The following ROBO1 variants were observed in gnomAD, a reference collection of about 807,000 sequenced individuals.
ROBO1 encodes roundabout homolog 1.
In ROBO1, 149 loss-of-function variants were observed where a neutral mutation model predicts 195.9. That is an observed-to-expected ratio of 0.76 (90% CI 0.67 to 0.87). ROBO1 has a LOEUF of 0.87. Among genes scored for constraint, ROBO1 ranks in the 40% least tolerant of loss-of-function variants. The probability of loss-of-function intolerance (pLI) is 0.00; values close to 1 mark genes in which losing one functional copy is unlikely to be tolerated. For synonymous variants in ROBO1, 816 were observed against 733.2 expected (o/e 1.11, Z -1.82); for missense variants, 1,933 against 2,068.3 (o/e 0.93, Z 1.27).
At chr3:79,225,896 G>T (rs1187354279) in intron 2 of ROBO1, among the ~76,000 whole-genome samples, 1 of 151,956 alleles carries the variant, frequency 6.6e-6, no homozygotes, top group Non-Finnish European at 1.5e-5. Flanking sequence ...TGGTCTTTCA[G>T]GTACCTTGTT....
At chr3:79,019,476 C>G (rs1474654662) in intron 3 of ROBO1, 2 of 986,256 alleles carry the variant, frequency 2.0e-6, no homozygotes, top group Admixed American at 6.1e-5. Flanking sequence ...GGGTTTCCCC[C>G]ACAGTCCCCG....
At chr3:78,797,938 A>T (rs1226942630) in intron 4 of ROBO1, among the ~76,000 whole-genome samples, 4 of 152,176 alleles carry the variant, frequency 2.6e-5, no homozygotes, top group Non-Finnish European at 5.9e-5. Context: ...GGGAACAGCA[A>T]TGTAATATGC....
chr3:79,309,625 AT>A lies in ROBO1; in HGVS notation c.89-184087del, dbSNP rs2033388513. On this transcript the variant is annotated intron_variant, in intron 2 of 30. Coordinates refer to ENST00000464233, the MANE Select transcript of ROBO1 (RefSeq NM_002941.4). ...GGTCTCAATAAAAATAAATAAATAA[AT>A]AAATAAAAATAAATTAAGCACCATG... Among the ~76,000 whole-genome samples, 12 of 152,150 alleles carry A rather than the reference AT, an allele frequency of 7.9e-5. No individual in the cohort carries two copies. The South Asian group carries it at 2.5e-3, about 32-fold the overall frequency.
chr3:79,120,966 C>T (rs541281622), intron 3 of ROBO1, among the ~76,000 whole-genome samples: 1 of 152,146 alleles, frequency 6.6e-6, no homozygotes, highest in African/African-American at 2.4e-5. Flanking sequence ...TGTTCAATTT[C>T]TAACTACATG....
intron 2 of ROBO1, among the ~76,000 whole-genome samples, chr3:79,136,726 T>C (rs1288424797): frequency 1.3e-5 from 2 of 152,138 alleles, no homozygotes; most frequent in Non-Finnish European, 2.9e-5. Context: ...AAACTTCTGC[T>C]TTAATCATGT....
chr3:78,609,804 G>A lies in ROBO1; in HGVS notation c.4436-2763C>T, dbSNP rs74787599. ...TTCTTAGTATAACAGCAAATTCATG[G>A]CCCTAAGAAGCATCAGTTTTAACCT... On this transcript the variant is annotated intron_variant, in intron 28 of 30. Coordinates refer to ENST00000464233, the MANE Select transcript of ROBO1 (RefSeq NM_002941.4). Among the ~76,000 whole-genome samples the A allele has an allele frequency of 6.6e-3, 1,010 of 152,092 alleles. 13 individuals are homozygous for A. The highest frequency in any genetic ancestry group is 0.021 in the African/African-American group (882 of 41,480).
chr3:79,725,775 C>G (rs770946535), intron 1 of ROBO1, among the ~76,000 whole-genome samples: 1 of 152,060 alleles, frequency 6.6e-6, no homozygotes, highest in Non-Finnish European at 1.5e-5. Flanking sequence ...TACTGATAAG[C>G]TTGCTAAAAT....
chr3:78,794,368 T>A (rs1249115056), intron 4 of ROBO1, among the ~76,000 whole-genome samples: 1 of 152,236 alleles, frequency 6.6e-6, no homozygotes, highest in Admixed American at 6.5e-5. Context: ...AAATGTTTAC[T>A]ATAACTACTG....
At chr3:78,760,388 T>A (rs1319648444) in intron 4 of ROBO1, among the ~76,000 whole-genome samples, 1 of 152,104 alleles carries the variant, frequency 6.6e-6, no homozygotes, top group East Asian at 1.9e-4. Context: ...CATTCCTCAC[T>A]GGGTGCAGTG....
chr3:78,696,651 TAC>T (rs1186930043), intron 8 of ROBO1, among the ~76,000 whole-genome samples: 2 of 140,814 alleles, frequency 1.4e-5, no homozygotes, highest in Non-Finnish European at 1.5e-5. Context: ...TATATATATA[TAC>T]ACATATATAT....
At chr3:78,898,758 T>C (rs2107451003) in intron 4 of ROBO1, among the ~76,000 whole-genome samples, 1 of 152,210 alleles carries the variant, frequency 6.6e-6, no homozygotes, top group South Asian at 2.1e-4. Context: ...TGAAAATAAA[T>C]ATGGAAGTCC....
intron 29 of ROBO1, among the ~76,000 whole-genome samples, chr3:78,601,407 C>T (rs1385909191): frequency 2.6e-5 from 4 of 152,152 alleles, no homozygotes; most frequent in Non-Finnish European, 4.4e-5. Flanking sequence ...TTCCATTCTA[C>T]TCATCACAAC....
chr3:79,427,865 C>G (rs1050705297), intron 2 of ROBO1, among the ~76,000 whole-genome samples: 1 of 151,854 alleles, frequency 6.6e-6, no homozygotes, highest in Non-Finnish European at 1.5e-5. Flanking sequence ...GGAAACTCCC[C>G]AGGACATTGG....
At chr3:78,746,588 A>T (rs1279920350) in intron 5 of ROBO1, among the ~76,000 whole-genome samples, 155 bp downstream of exon 5, 1 of 152,218 alleles carries the variant, frequency 6.6e-6, no homozygotes, top group Non-Finnish European at 1.5e-5. Flanking sequence ...ACACAGAAAG[A>T]ATTGAAATAT....
intron 3 of ROBO1, among the ~76,000 whole-genome samples, chr3:79,107,162 C>CAT (rs2079799718): frequency 6.9e-6 from 1 of 144,428 alleles, no homozygotes; most frequent in South Asian, 2.2e-4. Flanking sequence ...CACACACACA[C>CAT]CACTTGGCAA....
chr3:79,380,308 T>C (rs918629666), intron 2 of ROBO1, among the ~76,000 whole-genome samples: 6 of 152,174 alleles, frequency 3.9e-5, no homozygotes. Context: ...AATCCCTCTA[T>C]GCAAGTGGCT....
intron 1 of ROBO1, among the ~76,000 whole-genome samples, chr3:79,607,153 C>T (rs1002487846): frequency 7.0e-6 from 1 of 143,490 alleles, no homozygotes; most frequent in East Asian, 2.0e-4. Context: ...CTAAAAATGG[C>T]CTTACATACT....
chr3:79,762,428 A>G (rs1488935111), intron 1 of ROBO1, among the ~76,000 whole-genome samples: 1 of 147,880 alleles, frequency 6.8e-6, no homozygotes, highest in African/African-American at 2.4e-5. Flanking sequence ...TCATAGTAGA[A>G]ACGAATAAAT....
intron 1 of ROBO1, among the ~76,000 whole-genome samples, chr3:79,647,730 C>T (rs184652524): frequency 2.0e-5 from 3 of 152,108 alleles, no homozygotes; most frequent in Middle Eastern, 3.4e-3. Context: ...TATTAATATT[C>T]ACAGCTGAAG....
Sources: allele counts gnomAD v4.1 joint callset (sites outside exome capture counted in the v4.1 genomes callset), GRCh38; gene constraint gnomAD v4.1.1; transcripts MANE v1.5; gene names NCBI Gene and HGNC (gene_info 2026-07-23, HGNC 2026-07-21).